HS1BP3: variants seen among roughly 807,000 people sequenced by gnomAD.
HS1BP3 encodes the protein HCLS1 binding protein 3.
A neutral mutation model predicts 33.5 loss-of-function variants in HS1BP3; 32 were observed. That is an observed-to-expected ratio of 0.95 (90% CI 0.72 to 1.28). HS1BP3 has a LOEUF of 1.28. HS1BP3 is among the 50% of genes most tolerant of loss of function. HS1BP3 has a pLI of 0.00. For missense variants in HS1BP3, 486 were observed against 502.3 expected (o/e 0.97, Z 0.31); for synonymous variants, 187 against 209.2 (o/e 0.89, Z 0.92).
At chr2:20,625,500 C>T (rs1274157934) in intron 4 of HS1BP3, among the ~76,000 whole-genome samples, 1 of 152,254 alleles carries the variant, frequency 6.6e-6, no homozygotes, top group Non-Finnish European at 1.5e-5. Context: ...AACCTCAGGG[C>T]TAGGACTCAG....
chr2:20,603,729 A>G (rs1406587339), intron 2 of HS1BP3, among the ~76,000 whole-genome samples: 1 of 152,270 alleles, frequency 6.6e-6, no homozygotes, highest in Non-Finnish European at 1.5e-5. Context: ...AGTGAATTAT[A>G]TGGTACATGA....
Position 20,624,784 on chromosome 2 carries a change from C to T in HS1BP3, c.732G>A (p.Pro244=), listed in dbSNP as rs1019190579. Residue 244 remains proline, a synonymous_variant, in exon 5 of 7, where the codon CCG becomes CCA. Transcript: ENST00000304031. ...GGTCCTGTGGAGACAGCTTCCTGCC[C>T]GGGCCAAAGAGCCCCTCATCAGGGT... ...EVDPDEGLFG[P]GRKLSPQDPS... 54 of 1,612,954 alleles carry T rather than the reference C, an allele frequency of 3.3e-5. No homozygotes were observed. Among genetic ancestry groups the T allele is most frequent in the Middle Eastern group, 1.6e-4 (1 of 6,068 alleles).
chr2:20,563,139 C>T (rs904163580), intron 5 of HS1BP3, among the ~76,000 whole-genome samples: 1 of 152,226 alleles, frequency 6.6e-6, no homozygotes, highest in Non-Finnish European at 1.5e-5. Context: ...GCCAGCCTGC[C>T]CTGCTCAGGC....
intron 5 of HS1BP3, among the ~76,000 whole-genome samples, chr2:20,577,157 G>A (rs967935123): frequency 3.3e-5 from 5 of 152,194 alleles, no homozygotes; most frequent in African/African-American, 1.2e-4. Context: ...TGAAGGACTT[G>A]GGGTTCCAGG....
At chr2:20,624,103 C>A in intron 5 of HS1BP3, 72 bp from the exon 6 acceptor site, 1 of 1,540,686 alleles carries the variant, frequency 6.5e-7, no homozygotes, top group Admixed American at 2.0e-5. Context: ...TCTCTCTCTG[C>A]CCCACCCCAG....
intron 4 of HS1BP3, among the ~76,000 whole-genome samples, chr2:20,628,169 C>A (rs1454618704): frequency 6.6e-6 from 1 of 152,150 alleles, no homozygotes; most frequent in Non-Finnish European, 1.5e-5. Context: ...CTCGTGGGCA[C>A]CTTTGATGGC....
intron 6 of HS1BP3, among the ~76,000 whole-genome samples, chr2:20,620,751 G>A (rs1341497005): frequency 6.6e-6 from 1 of 152,240 alleles, no homozygotes; most frequent in Non-Finnish European, 1.5e-5. Context: ...ACAACACAAG[G>A]AAAGTAGTTT....
intron 3 of HS1BP3, 63 bp from the exon 4 acceptor site, chr2:20,638,715 G>T: frequency 7.8e-7 from 1 of 1,289,220 alleles, no homozygotes; most frequent in Non-Finnish European, 1.1e-6. Flanking sequence ...GAGGCATCTT[G>T]CCACACTGCA....
downstream of HS1BP3, among the ~76,000 whole-genome samples, chr2:20,617,631 T>C (rs1694459290): frequency 1.1e-5 from 1 of 90,636 alleles, no homozygotes; most frequent in Non-Finnish European, 3.1e-5. Context: ...CCCTCAGGGC[T>C]GGCTTTGGTG....
At chr2:20,650,979 C>A in intron 1 of HS1BP3, 53 bp downstream of exon 1, 6 of 1,227,812 alleles carry the variant, frequency 4.9e-6, no homozygotes, top group Non-Finnish European at 6.1e-6. Flanking sequence ...CCTCTCCGCC[C>A]GGGCGCCCCG....
At chr2:20,556,439 A>G (rs1280466318), downstream of HS1BP3, among the ~76,000 whole-genome samples, 1 of 151,300 alleles carries the variant, frequency 6.6e-6, no homozygotes, top group Non-Finnish European at 1.5e-5. Context: ...CTTATTTTAC[A>G]TCATCAGACC....
intron 2 of HS1BP3, among the ~76,000 whole-genome samples, chr2:20,642,783 A>T (rs1022176877): frequency 6.6e-6 from 1 of 152,246 alleles, no homozygotes; most frequent in Non-Finnish European, 1.5e-5. Context: ...AGGCCAAGTA[A>T]GAGACCCTGA....
At chr2:20,591,456 G>A (rs1558325655), downstream of HS1BP3, among the ~76,000 whole-genome samples, 1 of 152,190 alleles carries the variant, frequency 6.6e-6, no homozygotes, top group Admixed American at 6.5e-5. Context: ...GATTCTGGGA[G>A]CCCCAAGACT....
chr2:20,554,652 G>T, the HS1BP3 span, among the ~76,000 whole-genome samples: 395 of 150,918 alleles, frequency 2.6e-3, 2 homozygotes, highest in African/African-American at 8.4e-3. Flanking sequence ...AACCCAGGAG[G>T]CGGAGGTTGC....
intron 2 of HS1BP3, chr2:20,606,579 A>G: frequency 2.0e-6 from 1 of 488,744 alleles, no homozygotes; most frequent in South Asian, 1.6e-5. Flanking sequence ...TTGTCCCCGG[A>G]TTTGCTCACT....
intron 5 of HS1BP3, among the ~76,000 whole-genome samples, chr2:20,568,355 A>T (rs545471133): frequency 6.6e-6 from 1 of 152,238 alleles, no homozygotes; most frequent in Admixed American, 6.5e-5. Flanking sequence ...TGTTCAGGGA[A>T]CAGCAAGAAG....
intron 2 of HS1BP3, chr2:20,606,189 A>G (rs1694173316): frequency 5.3e-6 from 1 of 189,776 alleles, no homozygotes. Context: ...TGATTTGTAT[A>G]TTTTTGACTA....
chr2:20,603,895 C>T (rs1343152846), intron 2 of HS1BP3, among the ~76,000 whole-genome samples: 1 of 152,174 alleles, frequency 6.6e-6, no homozygotes, highest in Admixed American at 6.5e-5. Flanking sequence ...AAGCTCCTCA[C>T]ACAAATCGCT....
intron 6 of HS1BP3, chr2:20,622,544 C>T: frequency 2.9e-6 from 1 of 345,908 alleles, no homozygotes; most frequent in Non-Finnish European, 5.8e-6. Context: ...GGCATTTCCC[C>T]AATTCATCAG....
Sources: gnomAD v4.1 joint callset for allele counts (sites outside exome capture counted in the v4.1 genomes callset) on GRCh38, gnomAD v4.1.1 for gene constraint, MANE v1.5 for transcripts, NCBI Gene and HGNC (gene_info 2026-07-23, HGNC 2026-07-21) for gene names.